Variants in FMN1 observed in about 807,000 individuals in gnomAD.
FMN1 encodes formin-1.
FMN1 carries 110 observed loss-of-function variants against 132.4 expected under a neutral mutation model. That is an observed-to-expected ratio of 0.83 (90% CI 0.71 to 0.97). The LOEUF (loss-of-function observed/expected upper bound fraction) is 0.97, where lower values mean the gene tolerates loss of function less well. Ranked by LOEUF, FMN1 falls within the 50% of genes least tolerant of loss-of-function variation. The pLI is 0.00. For synonymous variants in FMN1, 722 were observed against 651.7 expected (o/e 1.11, Z -1.64); for missense variants, 1,792 against 1,705.3 (o/e 1.05, Z -0.90).
At chr15:33,151,483 C>A in intron 4 of FMN1, 1 of 1,158,134 alleles carries the variant, frequency 8.6e-7, no homozygotes, top group Non-Finnish European at 1.2e-6. Flanking sequence ...GGTCAGTCTC[C>A]AACAGAAACT....
chr15:33,184,913 T>C (rs1288984992), intron 2 of FMN1, among the ~76,000 whole-genome samples: 1 of 152,224 alleles, frequency 6.6e-6, no homozygotes, highest in African/African-American at 2.4e-5. Context: ...TCTTTATAAA[T>C]GTAATCCACT....
chr15:33,128,039 G>C (rs573559137), intron 4 of FMN1, among the ~76,000 whole-genome samples: 10 of 152,230 alleles, frequency 6.6e-5, no homozygotes, highest in African/African-American at 2.4e-4. Flanking sequence ...GCCCAGACAC[G>C]ACACAGGTCA....
At chr15:32,907,463 C>G (rs919152877) in intron 12 of FMN1, among the ~76,000 whole-genome samples, 1 of 152,044 alleles carries the variant, frequency 6.6e-6, no homozygotes, top group African/African-American at 2.4e-5. Flanking sequence ...GGTGGTAATG[C>G]CGGCTTGTCT....
At position 32,865,411 on chromosome 15, in the gene FMN1, A is replaced by T. The variant is rs188667589; in HGVS notation, c.3836-8304T>A. 5.3e-5 allele frequency among the ~76,000 whole-genome samples: 8 copies of T among 152,374 alleles called. 1 individual carries two copies. The highest frequency in any genetic ancestry group is 1.9e-4 in the African/African-American group (8 of 41,596). ...AATTTTAAAAATCTTAGGTGCAACT[A>T]TGTCTTCATTATAATACTTACAATA... is the stretch of plus-strand genomic sequence containing the variant. On this transcript the variant is annotated intron_variant, in intron 16 of 20. Transcript: ENST00000616417.
At chr15:33,163,625 T>TTTTG (rs1964984980) in intron 3 of FMN1, among the ~76,000 whole-genome samples, 1 of 119,810 alleles carries the variant, frequency 8.3e-6, no homozygotes, top group Non-Finnish European at 1.9e-5. Flanking sequence ...TTTTGTTTTG[T>TTTTG]TTTGTTTTTG....
At chr15:32,842,398 C>T (rs1257620896) in intron 17 of FMN1, among the ~76,000 whole-genome samples, 1 of 152,186 alleles carries the variant, frequency 6.6e-6, no homozygotes, top group Admixed American at 6.5e-5. Context: ...GAAGCAAGAA[C>T]TAGCCAGTTA....
At chr15:32,793,416 A>C (rs1482623622) in intron 19 of FMN1, among the ~76,000 whole-genome samples, 1 of 151,860 alleles carries the variant, frequency 6.6e-6, no homozygotes, top group East Asian at 1.9e-4. Context: ...AGTAGCTGGG[A>C]TTACAGGTGT....
intron 3 of FMN1, among the ~76,000 whole-genome samples, chr15:33,175,544 A>G (rs1036651801): frequency 1.3e-5 from 2 of 152,182 alleles, no homozygotes; most frequent in African/African-American, 4.8e-5. Context: ...GGGAGCCCCT[A>G]TTTCTCTATA....
At chr15:32,948,475 G>A (rs978999078) in intron 9 of FMN1, among the ~76,000 whole-genome samples, 2 of 151,912 alleles carry the variant, frequency 1.3e-5, no homozygotes, top group Non-Finnish European at 2.9e-5. Context: ...TTTTGTGTAA[G>A]AAAGACATGC....
At chr15:33,126,955 G>A (rs1188522757) in intron 4 of FMN1, among the ~76,000 whole-genome samples, 8 of 152,234 alleles carry the variant, frequency 5.3e-5, no homozygotes, top group Admixed American at 1.3e-4. Context: ...ACAAAGAACT[G>A]TGGTTGGCTG....
At chr15:32,879,236 GTTTTT>G (rs397952775) in intron 16 of FMN1, among the ~76,000 whole-genome samples, 2 of 152,032 alleles carry the variant, frequency 1.3e-5, no homozygotes, top group Non-Finnish European at 2.9e-5. Flanking sequence ...TCATATCAAA[GTTTTT>G]TTTATTATTT....
intron 9 of FMN1, among the ~76,000 whole-genome samples, chr15:32,953,738 G>A (rs935455500): frequency 2.6e-5 from 4 of 152,164 alleles, no homozygotes; most frequent in Admixed American, 6.5e-5. Flanking sequence ...CCAGCACAAC[G>A]GGGGCTGGCC....
In FMN1 at chr15:32,842,758, C is replaced by T. The variant is rs948893587; in HGVS notation, c.3928+14257G>A. On this transcript the variant is annotated intron_variant, in intron 17 of 20. Coordinates refer to ENST00000616417, the MANE Select transcript of FMN1 (RefSeq NM_001277313.2). ...TAACCTTATGGTGGTGGTATTACTA[C>T]CTCTGTCTTTGAGATGAGGGAACCT... Among the ~76,000 whole-genome samples, 2 of 150,946 alleles carry T rather than the reference C, an allele frequency of 1.3e-5. 1 individual carries two copies. Among genetic ancestry groups the T allele is most frequent in the East Asian group, 3.9e-4 (2 of 5,130 alleles).
chr15:32,851,750 C>T (rs546851260), intron 17 of FMN1, among the ~76,000 whole-genome samples: 4 of 152,252 alleles, frequency 2.6e-5, no homozygotes, highest in South Asian at 2.1e-4. Flanking sequence ...TAAGGATAAA[C>T]GCATCATCTC....
chr15:32,915,772 T>G (rs551072827), intron 10 of FMN1, among the ~76,000 whole-genome samples: 1 of 152,372 alleles, frequency 6.6e-6, no homozygotes, highest in South Asian at 2.1e-4. Flanking sequence ...TACTGCAATA[T>G]CAATCACTGC....
At chr15:33,106,080 T>TCTCAAC (rs1276878452) in intron 4 of FMN1, 1 of 152,118 alleles carries the variant, frequency 6.6e-6, no homozygotes, top group Admixed American at 6.6e-5. Context: ...AGCAGCCATG[T>TCTCAAC]CTCAACCTGA....
intron 3 of FMN1, among the ~76,000 whole-genome samples, chr15:33,173,288 G>A (rs759800150): frequency 6.6e-6 from 1 of 152,198 alleles, no homozygotes. Context: ...GATGAGGTGA[G>A]AGAGAAAGAT....
At chr15:33,064,691 C>CT (rs2037637238) in intron 6 of FMN1, 4 of 254,130 alleles carry the variant, frequency 1.6e-5, no homozygotes, top group Non-Finnish European at 2.3e-5. Context: ...TGCAATCTAC[C>CT]TTCTCCATCA....
intron 17 of FMN1, among the ~76,000 whole-genome samples, chr15:32,814,536 T>C (rs2141063860): frequency 6.6e-6 from 1 of 152,336 alleles, no homozygotes; most frequent in Admixed American, 6.5e-5. Flanking sequence ...TATTAGGAAT[T>C]GCAAAGAAGC....
Sources: allele counts gnomAD v4.1 joint callset (sites outside exome capture counted in the v4.1 genomes callset), GRCh38; gene constraint gnomAD v4.1.1; transcripts MANE v1.5; gene names NCBI Gene and HGNC (gene_info 2026-07-23, HGNC 2026-07-21).